Variants in CCDC148 observed in about 807,000 individuals in gnomAD.
CCDC148 encodes the protein coiled-coil domain-containing protein 148.
Under a neutral mutation model 85.7 loss-of-function variants are expected in CCDC148, and 89 were observed. That is an observed-to-expected ratio of 1.04 (90% CI 0.87 to 1.24). The LOEUF is 1.24. CCDC148 is among the 50% of genes most tolerant of loss of function. The probability of loss-of-function intolerance (pLI) is 0.00; values close to 1 mark genes in which losing one functional copy is unlikely to be tolerated. For missense variants in CCDC148, 692 were observed against 671.7 expected, an observed-to-expected ratio of 1.03 and a Z score of -0.33; for synonymous variants, 230 against 213.9, an observed-to-expected ratio of 1.08 and a Z score of -0.66.
chr2:158,247,188 G>A (rs751610061), intron 10 of CCDC148, among the ~76,000 whole-genome samples: 6 of 152,090 alleles, frequency 3.9e-5, no homozygotes, highest in Admixed American at 1.3e-4. Context: ...GATTTTAAAA[G>A]TATGAATAAG....
In CCDC148 at chr2:158,190,668, A is replaced by T. The variant is rs565552570; in HGVS notation, c.1371-11672T>A. On this transcript the variant is annotated intron_variant, in intron 11 of 13. Transcript: ENST00000283233. Reference sequence around the variant, plus strand: ...TATGTATTGCATTTAAAAAATCTTCATGAGGCCATATAATCATTTTAACAG... The same window carrying T: ...TATGTATTGCATTTAAAAAATCTTCTTGAGGCCATATAATCATTTTAACAG... Among the ~76,000 whole-genome samples, 134 of 152,034 alleles carry T rather than the reference A, an allele frequency of 8.8e-4. 1 individual carries two copies. Among genetic ancestry groups the T allele is most frequent in the Non-Finnish European group, 1.8e-3 (119 of 67,970 alleles).
chr2:158,177,332 A>G (rs1684640275), intron 12 of CCDC148, among the ~76,000 whole-genome samples: 1 of 152,108 alleles, frequency 6.6e-6, no homozygotes, highest in South Asian at 2.1e-4. Flanking sequence ...GATATGCACC[A>G]TTAGTAACAC....
intron 1 of CCDC148, among the ~76,000 whole-genome samples, chr2:158,368,624 T>C (rs1388678973): frequency 6.6e-6 from 1 of 152,124 alleles, no homozygotes; most frequent in Admixed American, 6.6e-5. Flanking sequence ...GGAAAATATC[T>C]TAAAATAATA....
intron 1 of CCDC148, among the ~76,000 whole-genome samples, chr2:158,430,544 T>A (rs1163074074): frequency 6.6e-6 from 1 of 152,194 alleles, no homozygotes; most frequent in Non-Finnish European, 1.5e-5. Flanking sequence ...TAAGACCTGG[T>A]ATTCTACAGA....
At chr2:158,443,515 A>AAAAAAAAAAGAAAAGAAAAG (rs1553524474) in intron 1 of CCDC148, among the ~76,000 whole-genome samples, 1 of 100,902 alleles carries the variant, frequency 9.9e-6, no homozygotes. Flanking sequence ...AAAAAAAAAA[A>AAAAAAAAAAGAAAAGAAAAG]AAAAAAAAGA....
At chr2:158,450,973 T>C (rs936648818) in intron 1 of CCDC148, among the ~76,000 whole-genome samples, 2 of 152,174 alleles carry the variant, frequency 1.3e-5, no homozygotes, top group African/African-American at 2.4e-5. Context: ...TCCCAGCAGC[T>C]TTGTTCATTT....
chr2:158,279,864 G>A (rs1278287565), intron 9 of CCDC148, among the ~76,000 whole-genome samples: 1 of 151,362 alleles, frequency 6.6e-6, no homozygotes, highest in Non-Finnish European at 1.5e-5. Context: ...AAATGTTAAG[G>A]GCAGCCAGAG....
At chr2:158,403,170 A>C (rs552968976) in intron 1 of CCDC148, among the ~76,000 whole-genome samples, 1 of 152,232 alleles carries the variant, frequency 6.6e-6, no homozygotes, top group African/African-American at 2.4e-5. Flanking sequence ...CAGAATCTAC[A>C]ACAAATATTT....
At chr2:158,245,492 T>C (rs1271692567) in intron 10 of CCDC148, among the ~76,000 whole-genome samples, 1 of 152,182 alleles carries the variant, frequency 6.6e-6, no homozygotes, top group African/African-American at 2.4e-5. Flanking sequence ...GATTAGGAGT[T>C]GGCAAAATTA....
At chr2:158,181,539 G>A (rs1684903774) in intron 11 of CCDC148, among the ~76,000 whole-genome samples, 1 of 152,076 alleles carries the variant, frequency 6.6e-6, no homozygotes, top group Non-Finnish European at 1.5e-5. Context: ...CAGAGACCAT[G>A]GGAAAGACAG....
chr2:158,289,165 A>C (rs2105185475), intron 9 of CCDC148, among the ~76,000 whole-genome samples: 1 of 152,348 alleles, frequency 6.6e-6, no homozygotes, highest in Middle Eastern at 3.4e-3. Context: ...TGAAGTCAGG[A>C]AATTATTTCT....
chr2:158,401,244 G>A (rs1369868889), intron 1 of CCDC148, among the ~76,000 whole-genome samples: 8 of 151,992 alleles, frequency 5.3e-5, no homozygotes, highest in South Asian at 4.1e-4. Context: ...ATAAAGACAC[G>A]TGCACACGTA....
intron 10 of CCDC148, among the ~76,000 whole-genome samples, chr2:158,224,733 T>C (rs1687401350): frequency 6.6e-6 from 1 of 152,078 alleles, no homozygotes; most frequent in Non-Finnish European, 1.5e-5. Context: ...AAATAATATA[T>C]TTTACAGACA....
chr2:158,351,180 C>A (rs1683250963), intron 2 of CCDC148, among the ~76,000 whole-genome samples: 1 of 152,212 alleles, frequency 6.6e-6, no homozygotes, highest in Non-Finnish European at 1.5e-5. Flanking sequence ...ACTGACTCCT[C>A]TCCCTCCCCC....
chr2:158,424,644 C>T (rs1271605560), intron 1 of CCDC148: 1 of 175,170 alleles, frequency 5.7e-6, no homozygotes, highest in East Asian at 1.7e-4. Flanking sequence ...TGCAGCACAC[C>T]AACATGGCAC....
intron 10 of CCDC148, among the ~76,000 whole-genome samples, chr2:158,240,452 T>TCTCTCTCTCA (rs941238898): frequency 1.0e-3 from 120 of 120,546 alleles, no homozygotes; most frequent in Middle Eastern, 4.3e-3. Flanking sequence ...TCTCTCTCTC[T>TCTCTCTCTCA]CACACACACA....
chr2:158,279,073 C>G (rs938326223), intron 9 of CCDC148, among the ~76,000 whole-genome samples: 3 of 152,228 alleles, frequency 2.0e-5, no homozygotes, highest in Admixed American at 6.5e-5. Context: ...AGGGTCCTGT[C>G]TGTTAGAAGG....
intron 11 of CCDC148, among the ~76,000 whole-genome samples, chr2:158,208,045 T>C (rs1686345374): frequency 6.6e-6 from 1 of 152,052 alleles, no homozygotes; most frequent in African/African-American, 2.4e-5. Flanking sequence ...GTGTTGTTAT[T>C]GGTAGTGAAC....
At chr2:158,331,322 T>C (rs980077142) in intron 7 of CCDC148, among the ~76,000 whole-genome samples, 2 of 152,268 alleles carry the variant, frequency 1.3e-5, no homozygotes, top group Non-Finnish European at 2.9e-5. Flanking sequence ...CAGTTTTGAG[T>C]GAGTTTCTTA....
Sources: allele counts gnomAD v4.1 joint callset (sites outside exome capture counted in the v4.1 genomes callset), GRCh38; gene constraint gnomAD v4.1.1; transcripts MANE v1.5; gene names NCBI Gene and HGNC (gene_info 2026-07-23, HGNC 2026-07-21).